The following MYBL1 variants were observed in gnomAD, a reference collection of about 807,000 sequenced individuals.
The protein encoded by MYBL1 is MYB proto-oncogene like 1.
In MYBL1, 17 loss-of-function variants were observed where a neutral mutation model predicts 96.3. The ratio of observed to expected loss-of-function variants is 0.18; its 90% CI spans 0.12 to 0.26. The LOEUF (loss-of-function observed/expected upper bound fraction) is 0.26. Ranked by LOEUF, MYBL1 falls within the 10% of genes least tolerant of loss-of-function variation. The probability of loss-of-function intolerance (pLI) is 1.00; values close to 1 mark genes in which losing one functional copy is unlikely to be tolerated. For synonymous variants in MYBL1, 282 were observed against 292.7 expected (o/e 0.96, Z 0.37); for missense variants, 701 against 882.9 (o/e 0.79, Z 2.61).
chr8:66,566,748 A>G lies in MYBL1; in HGVS notation c.1886T>C (p.Leu629Ser). Residue 629 changes from leucine to serine, a missense_variant, in exon 14 of 16, where the codon TTA (leucine) becomes TCA (serine). By Grantham distance (145) the Leu-to-Ser change is moderately radical (BLOSUM62 -2). Coordinates refer to ENST00000522677, the MANE Select transcript of MYBL1 (RefSeq NM_001080416.4). ...SGKKVRKSLV[L>S]DNWEKEESGT... ...TGATTCTTCTTTTTCCCAATTATCT[A>G]AGACTAGTGATTTTCTGACTTTCTT... is the stretch of plus-strand genomic sequence containing the variant. 6.2e-7 allele frequency: 1 copy of G among 1,610,530 alleles called. No individual in the cohort carries two copies. Among genetic ancestry groups the G allele is most frequent in the Non-Finnish European group, 8.5e-7 (1 of 1,177,738 alleles).
rs1350580500 is a variant in MYBL1, at chr8:66,602,505, G to C, written c.39C>G (p.Asp13Glu). Reference protein sequence around the residue: ...KRSRSEDEDDDLQYADHDYEV... With the variant: ...KRSRSEDEDDELQYADHDYEV... ...CATAATCATGATCGGCATACTGAAG[G>C]TCATCATCCTCATCCTCACTACAAA... is the stretch of plus-strand genomic sequence containing the variant. Residue 13 changes from aspartate (D) to glutamate (E), a missense_variant, in exon 2 of 16, where the codon GAC becomes GAG. Asp to Glu is a conservative substitution (Grantham distance 45, BLOSUM62 2). Coordinates refer to ENST00000522677, the MANE Select transcript of MYBL1 (RefSeq NM_001080416.4). The C allele has an allele frequency of 5.0e-6, 8 of 1,604,416 alleles. No homozygotes were observed. The highest frequency in any genetic ancestry group is 1.3e-5 in the African/African-American group (1 of 74,222).
chr8:66,567,022 G>T (rs765933897), intron 12 of MYBL1, 30 bp from the exon 13 acceptor site: 43 of 1,449,038 alleles, frequency 3.0e-5, no homozygotes, highest in Non-Finnish European at 3.9e-5. Flanking sequence ...GTTGTAAAAA[G>T]TCATTTATAG....
chr8:66,579,745 G>A (rs563488285), intron 9 of MYBL1, among the ~76,000 whole-genome samples: 24 of 151,616 alleles, frequency 1.6e-4, no homozygotes, highest in Non-Finnish European at 3.2e-4. Flanking sequence ...ATATAATACA[G>A]AAGTGTATTT....
chr8:66,575,593 C>T (rs923906645), intron 10 of MYBL1, among the ~76,000 whole-genome samples: 1 of 152,144 alleles, frequency 6.6e-6, no homozygotes, highest in Non-Finnish European at 1.5e-5. Flanking sequence ...AGTTCAAGAC[C>T]AGCTTGGGCA....
intron 8 of MYBL1, among the ~76,000 whole-genome samples, chr8:66,587,883 G>A (rs994984557): frequency 6.6e-6 from 1 of 152,120 alleles, no homozygotes; most frequent in African/African-American, 2.4e-5. Flanking sequence ...TCTATAGGAA[G>A]CACTGAATAA....
chr8:66,600,038 T>C (rs1810007434), intron 3 of MYBL1, among the ~76,000 whole-genome samples: 1 of 152,086 alleles, frequency 6.6e-6, no homozygotes, highest in Non-Finnish European at 1.5e-5. Flanking sequence ...AAAAAGAAAA[T>C]GAATTCACTA....
rs1810596248 is a variant in MYBL1, at chr8:66,613,013, A to C, written c.-175T>G. The C allele has an allele frequency of 1.5e-6, 1 of 683,714 alleles. No individual in the cohort carries two copies. Among genetic ancestry groups the C allele is most frequent in the African/African-American group, 1.9e-5 (1 of 53,812 alleles). 42.4% of individuals were successfully genotyped at this position (683,714 alleles called of 1,614,324 possible). A position where few individuals can be genotyped will look rare whatever the true frequency, so the allele number is the denominator to read the frequency against. On this transcript the variant is annotated 5_prime_UTR_variant, in exon 1 of 16. Coordinates refer to ENST00000522677, the MANE Select transcript of MYBL1 (RefSeq NM_001080416.4). ...CAGGACGGAGGGACAGCGGGGGCGG[A>C]CCGCGACCCGACCCCGACCCCGGCC...
chr8:66,582,539 T>C (rs760038949), intron 8 of MYBL1, among the ~76,000 whole-genome samples: 4 of 43,030 alleles, frequency 9.3e-5, no homozygotes, highest in Non-Finnish European at 1.4e-4. Flanking sequence ...ACTCCATCTC[T>C]ACAAAAAAAA....
At chr8:66,596,052 G>A (rs1188567847) in intron 5 of MYBL1, among the ~76,000 whole-genome samples, 1 of 152,110 alleles carries the variant, frequency 6.6e-6, no homozygotes, top group Non-Finnish European at 1.5e-5. Flanking sequence ...AAGTGTGGGA[G>A]TGGGAAGGAA....
intron 1 of MYBL1, among the ~76,000 whole-genome samples, chr8:66,607,826 T>C (rs1810382304): frequency 6.6e-6 from 1 of 152,150 alleles, no homozygotes; most frequent in Admixed American, 6.5e-5. Flanking sequence ...TAACCTTTCT[T>C]AGAAATGCCA....
intron 14 of MYBL1, among the ~76,000 whole-genome samples, 165 bp downstream of exon 14, chr8:66,566,519 T>C (rs946857389): frequency 1.3e-5 from 2 of 152,068 alleles, no homozygotes; most frequent in African/African-American, 2.4e-5. Context: ...GTAAATAAAA[T>C]ATTCTCTACA....
At chr8:66,606,975 T>G (rs1471771183) in intron 1 of MYBL1, among the ~76,000 whole-genome samples, 4 of 152,106 alleles carry the variant, frequency 2.6e-5, no homozygotes, top group Non-Finnish European at 4.4e-5. Context: ...ATTTTTTTCG[T>G]AGAGACGGGG....
At chr8:66,576,752 C>A (rs776410828) in intron 9 of MYBL1, among the ~76,000 whole-genome samples, 1 of 152,104 alleles carries the variant, frequency 6.6e-6, no homozygotes, top group Non-Finnish European at 1.5e-5. Context: ...GTGTATGGAA[C>A]GTGTTAAAAA....
Position 66,562,423 on chromosome 8 carries a change from A to C in MYBL1, c.*2274T>G, listed in dbSNP as rs542113868. On this transcript the variant is annotated 3_prime_UTR_variant, in exon 16 of 16. Coordinates refer to ENST00000522677, the MANE Select transcript of MYBL1 (RefSeq NM_001080416.4). ...TGAAAGAAACTCAGAGGAACAAAAC[A>C]GTATAAAGGTGACTTAAGATGCCTG... The C allele has an allele frequency of 1.3e-5, 2 of 152,788 alleles. No individual in the cohort carries two copies. Among genetic ancestry groups the C allele is most frequent in the South Asian group, 4.1e-4 (2 of 4,828 alleles). The allele number at this position is 152,788 out of a possible 1,614,324, so 9.5% of individuals were successfully genotyped here.
intron 9 of MYBL1, among the ~76,000 whole-genome samples, chr8:66,579,888 A>G (rs1193266296): frequency 1.3e-5 from 2 of 152,132 alleles, no homozygotes; most frequent in African/African-American, 2.4e-5. Flanking sequence ...AGCTTTCTCT[A>G]ATGCACTTGT....
At chr8:66,612,764 G>A in intron 1 of MYBL1, 55 bp downstream of exon 1, 1 of 1,343,496 alleles carries the variant, frequency 7.4e-7, no homozygotes, top group Non-Finnish European at 9.6e-7. Context: ...GGATAGGAAA[G>A]AGAATCTGAG....
chr8:66,571,309 T>C (rs1586553941), intron 12 of MYBL1, among the ~76,000 whole-genome samples: 1 of 152,142 alleles, frequency 6.6e-6, no homozygotes, highest in Non-Finnish European at 1.5e-5. Context: ...ATTAGAATAA[T>C]AGCAGCAACC....
chr8:66,570,383 C>T (rs1233878942), intron 12 of MYBL1, among the ~76,000 whole-genome samples: 1 of 151,294 alleles, frequency 6.6e-6, no homozygotes, highest in Non-Finnish European at 1.5e-5. Flanking sequence ...CATCACCACT[C>T]ACTGTAGCCT....
intron 1 of MYBL1, among the ~76,000 whole-genome samples, chr8:66,610,577 T>C (rs1392999664): frequency 6.6e-6 from 1 of 152,112 alleles, no homozygotes; most frequent in African/African-American, 2.4e-5. Context: ...CTTTTCCCTT[T>C]CAACTATAAA....
Sources: gnomAD v4.1 joint callset for allele counts (sites outside exome capture counted in the v4.1 genomes callset) on GRCh38, gnomAD v4.1.1 for gene constraint, MANE v1.5 for transcripts, NCBI Gene and HGNC (gene_info 2026-07-23, HGNC 2026-07-21) for gene names.